PCDHGB4: variants seen among roughly 807,000 people sequenced by gnomAD.
PCDHGB4 encodes protocadherin gamma subfamily B, 4.
PCDHGB4 carries 38 observed loss-of-function variants against 60.5 expected under a neutral mutation model. The observed-to-expected ratio is 0.63, with a 90% CI of 0.48 to 0.82. PCDHGB4 has a LOEUF of 0.82. PCDHGB4 is among the 40% of genes least tolerant of loss of function. PCDHGB4 has a pLI of 0.00. For synonymous variants in PCDHGB4, 456 were observed against 509.7 expected (o/e 0.89, Z 1.42); for missense variants, 1,109 against 1,209.6 (o/e 0.92, Z 1.23).
intron 1 of PCDHGB4, chr5:141,409,205 A>C (rs766592481): frequency 1.2e-6 from 2 of 1,614,068 alleles, no homozygotes; most frequent in Non-Finnish European, 1.7e-6. Flanking sequence ...TAAAGTAATC[A>C]TAGAAATCCT....
chr5:141,470,369 T>C (rs751264270), intron 1 of PCDHGB4, among the ~76,000 whole-genome samples: 2 of 152,226 alleles, frequency 1.3e-5, no homozygotes, highest in Non-Finnish European at 1.5e-5. Context: ...TTAGGTTGAA[T>C]GGAAAGACTA....
intron 1 of PCDHGB4, chr5:141,423,623 C>T (rs1391650851): frequency 6.2e-7 from 1 of 1,607,330 alleles, no homozygotes; most frequent in South Asian, 1.1e-5. Context: ...GAAGACTCAG[C>T]TATCATTTTA....
At position 141,476,114 on chromosome 5, in the gene PCDHGB4, G is replaced by C; in HGVS notation, c.2398-18693G>C. 3.8e-6 allele frequency: 6 copies of C among 1,592,296 alleles called. No homozygotes were observed. Among genetic ancestry groups the C allele is most frequent in the Non-Finnish European group, 5.1e-6 (6 of 1,171,536 alleles). On this transcript the variant is annotated intron_variant, in intron 1 of 3. Coordinates refer to ENST00000519479, the MANE Select transcript of PCDHGB4 (RefSeq NM_003736.4). This position sits in a 1 kb window ranked among gnomAD's most constrained non-coding sequence, Gnocchi z 7.6. Reference sequence around the variant, plus strand: ...CCGCTGAGAGGAACTGCTTTTGAGTGAGATGGTCCCAGAGGCCTGGAGGAG... The same window carrying C: ...CCGCTGAGAGGAACTGCTTTTGAGTCAGATGGTCCCAGAGGCCTGGAGGAG...
At chr5:141,467,114 G>A (rs971182917) in intron 1 of PCDHGB4, among the ~76,000 whole-genome samples, 5 of 149,522 alleles carry the variant, frequency 3.3e-5, no homozygotes, top group South Asian at 2.1e-4. Context: ...GTACAATGGT[G>A]CAATCTCAGC....
At chr5:141,417,440 T>C (rs889107076) in intron 1 of PCDHGB4, 1 of 166,232 alleles carries the variant, frequency 6.0e-6, no homozygotes, top group African/African-American at 2.4e-5. Flanking sequence ...TAAAAAGATA[T>C]GATAGTTATG....
chr5:141,489,093 A>T lies in PCDHGB4; in HGVS notation c.2398-5714A>T. ...GCCCACCCCCGCCACTCGGTGACTA[A>T]GAACTGCTGCAAGCAGGCAAACCTC... is the stretch of plus-strand genomic sequence containing the variant. On this transcript the variant is annotated intron_variant, in intron 1 of 3. Coordinates refer to ENST00000519479, the MANE Select transcript of PCDHGB4 (RefSeq NM_003736.4). This position sits in a 1 kb window ranked among gnomAD's most constrained non-coding sequence, Gnocchi z 4.5. 2.1e-6 allele frequency: 1 copy of T among 477,272 alleles called. No individual in the cohort carries two copies. Among genetic ancestry groups the T allele is most frequent in the Non-Finnish European group, 3.6e-6 (1 of 276,700 alleles). The allele number at this position is 477,272 out of a possible 1,614,324, so 29.6% of individuals were successfully genotyped here.
Position 141,490,800 on chromosome 5 carries a change from TACCTTTG to T in PCDHGB4, c.2398-4004_2398-3998del, listed in dbSNP as rs763340907. Reference sequence around the variant, plus strand: ...AGGATGGACGGATCTTTGCCCAGCGTACCTTTGACTATGAATTGCTGCAGATGCTGCA... The same window carrying T: ...AGGATGGACGGATCTTTGCCCAGCGTACTATGAATTGCTGCAGATGCTGCA... On this transcript the variant is annotated intron_variant, in intron 1 of 3. Transcript: ENST00000519479. The surrounding 1 kb of genome is among the most constrained non-coding windows in gnomAD (Gnocchi z 5.4). 2.5e-6 allele frequency: 4 copies of T among 1,613,968 alleles called. No homozygotes were observed. The highest frequency in any genetic ancestry group is 1.7e-6 in the Non-Finnish European group (2 of 1,179,894).
rs577239742 is a variant in PCDHGB4 at position 141,501,564 on chromosome 5, T to C, written c.2457-3829T>C. ...CATAAGATCATAGGCCCTGGAATCA[T>C]ATTAGGCTGGCTTTCAGGTTGCAAC... On this transcript the variant is annotated intron_variant, in intron 2 of 3. Coordinates refer to ENST00000519479, the MANE Select transcript of PCDHGB4 (RefSeq NM_003736.4). 5.9e-5 allele frequency among the ~76,000 whole-genome samples: 9 copies of C among 152,194 alleles called. No individual in the cohort carries two copies. The South Asian group carries it at 1.7e-3, about 28-fold the overall frequency.
intron 1 of PCDHGB4, chr5:141,441,728 G>T: frequency 2.8e-6 from 1 of 361,966 alleles, no homozygotes. Flanking sequence ...CCCGCGACCA[G>T]GACTAGCTCG....
At chr5:141,414,919 G>A (rs2095801962) in intron 1 of PCDHGB4, 2 of 1,614,050 alleles carry the variant, frequency 1.2e-6, no homozygotes, top group African/African-American at 2.7e-5. Context: ...CGTGGAGCTG[G>A]CGCCCCGCTC....
At position 141,487,501 on chromosome 5, in the gene PCDHGB4, T is replaced by C. The variant is rs746285663; in HGVS notation, c.2398-7306T>C. 1.2e-6 allele frequency: 2 copies of C among 1,614,232 alleles called. No individual in the cohort carries two copies. The highest frequency in any genetic ancestry group is 3.3e-5 in the Admixed American group (2 of 60,028). ...ACTCTCATGGCTGTACACCCTTGGC[T>C]TCTGCACCCACTCGGAGTGATAGCT... On this transcript the variant is annotated intron_variant, in intron 1 of 3. Coordinates refer to ENST00000519479, the MANE Select transcript of PCDHGB4 (RefSeq NM_003736.4). The surrounding 1 kb of genome is among the most constrained non-coding windows in gnomAD (Gnocchi z 5.0).
At chr5:141,443,131 A>C (rs1042010214) in intron 1 of PCDHGB4, among the ~76,000 whole-genome samples, 2 of 152,144 alleles carry the variant, frequency 1.3e-5, no homozygotes, top group African/African-American at 4.8e-5. Flanking sequence ...GATTAAGAAC[A>C]CTATCATAAG....
chr5:141,502,500 G>C (rs1398797155), intron 2 of PCDHGB4, among the ~76,000 whole-genome samples: 1 of 152,046 alleles, frequency 6.6e-6, no homozygotes, highest in Non-Finnish European at 1.5e-5. Flanking sequence ...ATCTAACGTC[G>C]GCCTGTCCCA....
intron 1 of PCDHGB4, among the ~76,000 whole-genome samples, chr5:141,438,678 G>C (rs2098050264): frequency 7.1e-6 from 1 of 140,560 alleles, no homozygotes; most frequent in African/African-American, 2.6e-5. Context: ...ATTTGGAGTA[G>C]GGGATGGAGT....
intron 2 of PCDHGB4, among the ~76,000 whole-genome samples, chr5:141,503,010 A>T (rs1595838084): frequency 6.8e-6 from 1 of 146,772 alleles, no homozygotes; most frequent in East Asian, 2.0e-4. Context: ...TGCCCGGTTA[A>T]TTTTTTTTTT....
At chr5:141,393,592 G>C in intron 1 of PCDHGB4, 1 of 1,613,908 alleles carries the variant, frequency 6.2e-7, no homozygotes, top group Non-Finnish European at 8.5e-7. Context: ...CCAGGCACGC[G>C]GCTGCTTACT....
chr5:141,419,461 C>T, intron 1 of PCDHGB4: 2 of 1,612,628 alleles, frequency 1.2e-6, no homozygotes, highest in Non-Finnish European at 1.7e-6. Flanking sequence ...CGCTGCAGGC[C>T]CGCGACCAGG....
chr5:141,412,020 C>G (rs1158851404), intron 1 of PCDHGB4: 1 of 145,358 alleles, frequency 6.9e-6, no homozygotes, highest in Non-Finnish European at 1.5e-5. Context: ...TCTGAACATC[C>G]TGTTCTCTGT....
intron 2 of PCDHGB4, among the ~76,000 whole-genome samples, chr5:141,505,050 T>C (rs1190927211): frequency 2.0e-5 from 3 of 152,130 alleles, no homozygotes; most frequent in Non-Finnish European, 4.4e-5. Context: ...TCATCCCAGC[T>C]ACTTGGGAGA....
Sources: gnomAD v4.1 joint callset for allele counts (sites outside exome capture counted in the v4.1 genomes callset) on GRCh38, gnomAD v4.1.1 for gene constraint, Gnocchi (gnomAD v3.1) non-coding constraint, MANE v1.5 for transcripts, NCBI Gene and HGNC (gene_info 2026-07-23, HGNC 2026-07-21) for gene names.